Variants in NDC80 observed in about 807,000 individuals in gnomAD.
NDC80 encodes the protein kinetochore protein NDC80 homolog.
Under a neutral mutation model 89.3 loss-of-function variants are expected in NDC80, and 69 were observed. The observed-to-expected ratio is 0.77, with a 90% confidence interval of 0.64 to 0.94. The LOEUF is 0.94. Among genes scored for constraint, NDC80 ranks in the 40% least tolerant of loss-of-function variants. NDC80 has a pLI of 0.00. For synonymous variants in NDC80, 243 were observed against 255.6 expected (o/e 0.95, Z 0.47); for missense variants, 593 against 739.6 (o/e 0.80, Z 2.30).
intron 2 of NDC80, 75 bp downstream of exon 2, chr18:2,573,161 A>G (rs2072527701): frequency 8.3e-7 from 1 of 1,201,376 alleles, no homozygotes; most frequent in Middle Eastern, 2.1e-4. Flanking sequence ...AATAGTTAAT[A>G]TAAAGATGTA....
At position 2,577,966 on chromosome 18, in the gene NDC80, T is replaced by C; in HGVS notation, c.304-3T>C. On this transcript the variant is annotated splice_region_variant and splice_polypyrimidine_tract_variant and intron_variant, in intron 4 of 16. Coordinates refer to ENST00000261597, the MANE Select transcript of NDC80 (RefSeq NM_006101.3). ...GTTTGGTGGTTCATAAAAATTATTG[T>C]AGTTTCTTACAGAAAATGGTTATGC... 6.2e-7 allele frequency: 1 copy of C among 1,610,578 alleles called. No homozygotes were observed. Among genetic ancestry groups the C allele is most frequent in the Non-Finnish European group, 8.5e-7 (1 of 1,178,262 alleles).
chr18:2,611,038 C>T (rs2072741594), intron 16 of NDC80, among the ~76,000 whole-genome samples, 177 bp downstream of exon 16: 1 of 141,626 alleles, frequency 7.1e-6, no homozygotes, highest in Admixed American at 7.7e-5. Context: ...CAGGGGAACA[C>T]TTGAGCATTT....
intron 6 of NDC80, among the ~76,000 whole-genome samples, chr18:2,579,722 C>T (rs952324946): frequency 1.3e-5 from 2 of 152,184 alleles, no homozygotes; most frequent in East Asian, 1.9e-4. Flanking sequence ...CCACCATGAC[C>T]GGCCCCTTGT....
rs1170798340 is a variant in NDC80, at chr18:2,610,824, T to A, written c.1754T>A (p.Leu585Gln). The change falls in exon 16 of 17, where the codon CTG (leucine) becomes CAG (glutamine). Residue 585 changes from leucine to glutamine, a missense_variant. By Grantham distance (113) the Leu-to-Gln change is moderately radical (BLOSUM62 -2). Transcript: ENST00000261597. The stretch of plus-strand genomic sequence containing the variant: ...AAAGTGGGAAATAACTTGCAACGTC[T>A]GTTAGAGATGGTTGCTACACATGTT... ...RRKVGNNLQR[L>Q]LEMVATHVGS... is the part of the protein sequence containing the mutation. 4.5e-5 allele frequency: 72 copies of A among 1,589,520 alleles called. No individual in the cohort carries two copies. Among genetic ancestry groups the A allele is most frequent in the Non-Finnish European group, 6.1e-5 (71 of 1,162,814 alleles).
chr18:2,595,933 A>G (rs2072652884), intron 11 of NDC80, among the ~76,000 whole-genome samples: 1 of 152,210 alleles, frequency 6.6e-6, no homozygotes, highest in African/African-American at 2.4e-5. Flanking sequence ...TCATTCACCT[A>G]TTCACTACTT....
In NDC80 at chr18:2,595,483, C is replaced by T. The variant is rs772822149; in HGVS notation, c.1083C>T (p.Tyr361=). Residue 361 remains tyrosine (Y), a synonymous_variant, in exon 11 of 17, where the codon TAC becomes TAT. Coordinates refer to ENST00000261597, the MANE Select transcript of NDC80 (RefSeq NM_006101.3). ...RLQNIIDNQK[Y]SVADIERINH... is the part of the protein sequence containing the mutation. ...AGAATATCATTGACAACCAGAAGTA[C>T]TCAGTTGCAGACATTGAGCGAATAA... 2 of 1,613,658 alleles carry T rather than the reference C, an allele frequency of 1.2e-6. No individual in the cohort carries two copies. Among genetic ancestry groups the T allele is most frequent in the Non-Finnish European group, 1.7e-6 (2 of 1,179,712 alleles).
intron 16 of NDC80, among the ~76,000 whole-genome samples, chr18:2,612,461 G>A (rs984590494): frequency 6.6e-6 from 1 of 151,680 alleles, no homozygotes; most frequent in African/African-American, 2.4e-5. Context: ...GCCAGTATTT[G>A]TATTTTTAGT....
intron 1 of NDC80, 136 bp from the exon 2 acceptor site, chr18:2,572,841 A>G: frequency 1.6e-6 from 1 of 638,930 alleles, no homozygotes. Flanking sequence ...AACAAAAAAG[A>G]GATACCCCAG....
Position 2,616,546 on chromosome 18 carries a change from C to A in NDC80, c.1901C>A (p.Ala634Asp). 6.9e-7 allele frequency: 1 copy of A among 1,451,540 alleles called. No individual in the cohort carries two copies. The highest frequency in any genetic ancestry group is 9.3e-7 in the Non-Finnish European group (1 of 1,071,432). The allele number at this position is 1,451,540 out of a possible 1,614,324, so 89.9% of individuals were successfully genotyped here. ...ATTAGAGATAAGTATGAGAAGAAAG[C>A]TACTCTAATTAAGTCTTCTGAAGAA... ...KEIRDKYEKK[A>D]TLIKSSEE is the part of the protein sequence containing the mutation. Residue 634 changes from alanine to aspartate, a missense_variant, in exon 17 of 17, where the codon GCT becomes GAT. By Grantham distance (126) the Ala-to-Asp change is moderately radical (BLOSUM62 -2). Coordinates refer to ENST00000261597, the MANE Select transcript of NDC80 (RefSeq NM_006101.3).
intron 7 of NDC80, among the ~76,000 whole-genome samples, chr18:2,586,220 AT>A (rs1160253045): frequency 5.9e-5 from 9 of 152,212 alleles, no homozygotes; most frequent in Non-Finnish European, 8.8e-5. Flanking sequence ...TCAAAGATAC[AT>A]CAACTGACTA....
intron 11 of NDC80, among the ~76,000 whole-genome samples, chr18:2,596,068 C>A (rs2143652882): frequency 6.6e-6 from 1 of 152,270 alleles, no homozygotes; most frequent in South Asian, 2.1e-4. Context: ...TGAAATGAGA[C>A]CTCTAATAAA....
At chr18:2,584,429 C>T (rs2072594568) in intron 6 of NDC80, among the ~76,000 whole-genome samples, 1 of 150,722 alleles carries the variant, frequency 6.6e-6, no homozygotes, top group Non-Finnish European at 1.5e-5. Flanking sequence ...TTTAAATTTT[C>T]TATTTTTTCA....
intron 2 of NDC80, among the ~76,000 whole-genome samples, chr18:2,574,218 T>C (rs2143628019): frequency 6.6e-6 from 1 of 152,244 alleles, no homozygotes; most frequent in East Asian, 1.9e-4. Flanking sequence ...CTAGGAAGCA[T>C]AGGGAGAAGA....
intron 9 of NDC80, 25 bp downstream of exon 9, chr18:2,589,335 AC>A (rs1568001400): frequency 6.6e-7 from 1 of 1,504,732 alleles, no homozygotes; most frequent in Non-Finnish European, 9.2e-7. Flanking sequence ...TTACACACTT[AC>A]TTGAGAGCTC....
In NDC80 at chr18:2,578,858, T is replaced by G. The variant is rs189070311; in HGVS notation, c.477-69T>G. The G allele has an allele frequency of 1.5e-5, 14 of 942,088 alleles. No homozygotes were observed. The East Asian group carries it at 2.5e-4, about 17-fold the overall frequency. The allele number at this position is 942,088 out of a possible 1,614,324, so 58.4% of individuals were successfully genotyped here. ...GTGGAATTTTTTAAATGTAACTTCT[T>G]GATTAACCATTATCTTTACTAAATT... On this transcript the variant is annotated intron_variant, in intron 5 of 16. Transcript: ENST00000261597.
chr18:2,577,839 C>A lies in NDC80; in HGVS notation c.273C>A (p.Phe91Leu). ...CGAGACCACTTAATGACAAAGCATTCATTCAGCAGTGTATTCGACAACTCT... is the reference window on the plus strand; with the variant it reads ...CGAGACCACTTAATGACAAAGCATTAATTCAGCAGTGTATTCGACAACTCT... ...KDPRPLNDKA[F>L]IQQCIRQLCE... The change falls in exon 4 of 17, where the codon TTC (phenylalanine) becomes TTA (leucine). Residue 91 changes from phenylalanine to leucine, a missense_variant. By Grantham distance (22) the Phe-to-Leu change is conservative. Transcript: ENST00000261597. The A allele has an allele frequency of 6.2e-7, 1 of 1,614,088 alleles. No individual in the cohort carries two copies. The highest frequency in any genetic ancestry group is 2.2e-5 in the East Asian group (1 of 44,864).
At chr18:2,601,050 C>T (rs938912445) in intron 12 of NDC80, among the ~76,000 whole-genome samples, 4 of 152,066 alleles carry the variant, frequency 2.6e-5, no homozygotes, top group African/African-American at 9.7e-5. Context: ...TTCTGGATAA[C>T]ATAGCATAAA....
chr18:2,614,453 A>AGAGAGAGAGAGAGAGAGAGAG (rs1194290545), intron 16 of NDC80: 1 of 5,906 alleles, frequency 1.7e-4, no homozygotes, highest in African/African-American at 8.0e-4. Context: ...GAAAGAAAGA[A>AGAGAGAGAGAGAGAGAGAGAG]AGAAAGAAAG....
chr18:2,578,218 T>C, intron 5 of NDC80, 77 bp downstream of exon 5: 1 of 1,379,822 alleles, frequency 7.2e-7, no homozygotes, highest in East Asian at 2.3e-5. Flanking sequence ...TTGTAAAAAG[T>C]TTGAGTTACA....
Sources: gnomAD v4.1 joint callset for allele counts (sites outside exome capture counted in the v4.1 genomes callset) on GRCh38, gnomAD v4.1.1 for gene constraint, MANE v1.5 for transcripts, NCBI Gene and HGNC (gene_info 2026-07-23, HGNC 2026-07-21) for gene names.